Variants in ARHGAP24 observed in about 807,000 individuals in gnomAD.
ARHGAP24 encodes the protein rho GTPase-activating protein 24.
Under a neutral mutation model 76.4 loss-of-function variants are expected in ARHGAP24, and 50 were observed. The observed-to-expected ratio is 0.65, with a 90% CI of 0.52 to 0.83. The LOEUF (loss-of-function observed/expected upper bound fraction) is 0.83. Among genes scored for constraint, ARHGAP24 ranks in the 40% least tolerant of loss-of-function variants. The pLI, the probability that ARHGAP24 is intolerant of heterozygous loss-of-function variation, is 0.00. For missense variants in ARHGAP24, 930 were observed against 914.2 expected (o/e 1.02, Z -0.22); for synonymous variants, 345 against 323.3 (o/e 1.07, Z -0.72).
chr4:85,613,074 A>G (rs1350738693), intron 2 of ARHGAP24, among the ~76,000 whole-genome samples: 2 of 152,040 alleles, frequency 1.3e-5, no homozygotes, highest in Admixed American at 6.6e-5. Flanking sequence ...CTGGGATTAC[A>G]TGTGTGAGCC....
intron 2 of ARHGAP24, among the ~76,000 whole-genome samples, chr4:85,589,715 G>A (rs928749132): frequency 1.3e-5 from 2 of 152,288 alleles, no homozygotes; most frequent in South Asian, 4.1e-4. Flanking sequence ...GATATAGCTA[G>A]AGAGATCTCT....
At chr4:85,887,229 C>A (rs1560696630) in intron 3 of ARHGAP24, among the ~76,000 whole-genome samples, 2 of 152,036 alleles carry the variant, frequency 1.3e-5, no homozygotes, top group African/African-American at 4.8e-5. Context: ...TTATGTAAGA[C>A]ATCATAATTT....
intron 2 of ARHGAP24, among the ~76,000 whole-genome samples, chr4:85,675,122 T>A (rs764700490): frequency 1.2e-4 from 19 of 152,188 alleles, no homozygotes; most frequent in Non-Finnish European, 2.5e-4. Context: ...CTGGTAAGCA[T>A]TGTCCTTTGG....
chr4:85,898,230 G>A (rs190308505), intron 3 of ARHGAP24, among the ~76,000 whole-genome samples: 89 of 151,624 alleles, frequency 5.9e-4, no homozygotes, highest in African/African-American at 2.1e-3. Context: ...AATTCTTGTT[G>A]GAAAAACAGC....
At chr4:85,477,989 A>G (rs1722669313) in intron 1 of ARHGAP24, among the ~76,000 whole-genome samples, 1 of 152,180 alleles carries the variant, frequency 6.6e-6, no homozygotes, top group African/African-American at 2.4e-5. Flanking sequence ...TCTTTCTGCC[A>G]TGTTTCAGTT....
intron 3 of ARHGAP24, among the ~76,000 whole-genome samples, chr4:85,825,247 A>G (rs1367365177): frequency 6.6e-6 from 1 of 152,220 alleles, no homozygotes; most frequent in East Asian, 1.9e-4. Flanking sequence ...CTGACTTCAG[A>G]TAAGATTTAA....
intron 2 of ARHGAP24, among the ~76,000 whole-genome samples, chr4:85,582,197 T>G (rs1727642177): frequency 6.6e-6 from 1 of 152,130 alleles, no homozygotes; most frequent in Non-Finnish European, 1.5e-5. Flanking sequence ...AATTCCATTT[T>G]CAACCTATGA....
At chr4:85,518,952 A>G (rs892219817) in intron 1 of ARHGAP24, among the ~76,000 whole-genome samples, 13 of 152,180 alleles carry the variant, frequency 8.5e-5, no homozygotes, top group African/African-American at 3.1e-4. Context: ...ACTATTTTCC[A>G]TAGCGGCAGT....
Position 85,486,234 on chromosome 4 carries a change from G to A in ARHGAP24, c.-21+10675G>A, listed in dbSNP as rs563371897. On this transcript the variant is annotated intron_variant, in intron 1 of 9. Coordinates refer to ENST00000395184, the MANE Select transcript of ARHGAP24 (RefSeq NM_001025616.3). ...TTTTCATCAGCTGTGGTTTTGGGGG[G>A]ATATGTGATACCCTAACAAGGAGGA... Among the ~76,000 whole-genome samples the A allele has an allele frequency of 3.9e-5, 6 of 152,106 alleles. 2 individuals carry two copies. The South Asian group carries it at 1.2e-3, about 32-fold the overall frequency.
intron 2 of ARHGAP24, among the ~76,000 whole-genome samples, chr4:85,700,229 T>C (rs1212227247): frequency 6.6e-6 from 1 of 151,908 alleles, no homozygotes; most frequent in African/African-American, 2.4e-5. Context: ...ACCCCATCTC[T>C]ACTAAAAATA....
At chr4:85,683,117 T>G (rs796179522) in intron 2 of ARHGAP24, among the ~76,000 whole-genome samples, 4,176 of 55,826 alleles carry the variant, frequency 0.075, 105 homozygotes, top group African/African-American at 0.11. Flanking sequence ...TGTGGGGGGG[T>G]GGGGGGGGGG....
At chr4:85,903,823 A>C (rs1386974720) in intron 3 of ARHGAP24, among the ~76,000 whole-genome samples, 1 of 152,122 alleles carries the variant, frequency 6.6e-6, no homozygotes, top group Non-Finnish European at 1.5e-5. Flanking sequence ...AATATTTCCC[A>C]AAATATATTC....
intron 3 of ARHGAP24, among the ~76,000 whole-genome samples, chr4:85,906,144 C>A (rs1332218858): frequency 1.3e-5 from 2 of 152,106 alleles, no homozygotes; most frequent in South Asian, 4.1e-4. Context: ...TAGTGGAAAC[C>A]TATGATAAAT....
intron 3 of ARHGAP24, 72 bp downstream of exon 3, chr4:85,722,044 G>A: frequency 7.3e-7 from 1 of 1,378,906 alleles, no homozygotes; most frequent in Non-Finnish European, 1.0e-6. Context: ...GGTCAGACAG[G>A]TTTCATTCTT....
Position 85,651,143 on chromosome 4 carries a change from C to T in ARHGAP24, c.181-70742C>T, listed in dbSNP as rs145551766. Among the ~76,000 whole-genome samples the T allele has an allele frequency of 4.9e-3, 726 of 148,952 alleles. 34 individuals are homozygous for T. Among genetic ancestry groups the T allele is most frequent in the Admixed American group, 0.041 (615 of 15,156 alleles). ...TGAAGTTGGAGCTTAGTAAACAGGA[C>T]GGGGGAGAGGCAGGAGAGGAGAACA... On this transcript the variant is annotated intron_variant, in intron 2 of 9. Transcript: ENST00000395184.
chr4:85,533,151 T>C (rs1339180906), intron 1 of ARHGAP24, among the ~76,000 whole-genome samples: 1 of 152,186 alleles, frequency 6.6e-6, no homozygotes, highest in African/African-American at 2.4e-5. Flanking sequence ...GACAAGTGGC[T>C]ACTCATTATG....
At chr4:85,880,720 G>A (rs1733203427) in intron 3 of ARHGAP24, among the ~76,000 whole-genome samples, 1 of 152,072 alleles carries the variant, frequency 6.6e-6, no homozygotes, top group East Asian at 1.9e-4. Context: ...TAGTAGAGAC[G>A]GGGTTTCACC....
At chr4:85,777,053 T>C (rs1205397937) in intron 3 of ARHGAP24, among the ~76,000 whole-genome samples, 1 of 152,198 alleles carries the variant, frequency 6.6e-6, no homozygotes, top group African/African-American at 2.4e-5. Flanking sequence ...AAAAGGAAAA[T>C]AAGATGCTGT....
intron 3 of ARHGAP24, among the ~76,000 whole-genome samples, chr4:85,866,678 C>A (rs573008274): frequency 4.6e-5 from 7 of 152,274 alleles, no homozygotes; most frequent in African/African-American, 1.4e-4. Flanking sequence ...TCATCCTGTT[C>A]TCTGCTCTGG....
Sources: allele counts gnomAD v4.1 joint callset (sites outside exome capture counted in the v4.1 genomes callset), GRCh38; gene constraint gnomAD v4.1.1; transcripts MANE v1.5; gene names NCBI Gene and HGNC (gene_info 2026-07-23, HGNC 2026-07-21).